The following FGF12 variants were observed in gnomAD, a reference collection of about 807,000 sequenced individuals.
The protein encoded by FGF12 is fibroblast growth factor 12B.
A neutral mutation model predicts 23.6 loss-of-function variants in FGF12; 14 were observed. The ratio of observed to expected loss-of-function variants is 0.59; its 90% CI spans 0.39 to 0.93. The LOEUF (loss-of-function observed/expected upper bound fraction) is 0.93. Ranked by LOEUF, FGF12 falls within the 40% of genes least tolerant of loss-of-function variation. FGF12 has a pLI of 0.00. For missense variants in FGF12, 175 were observed against 217.8 expected, an observed-to-expected ratio of 0.80 and a Z score of 1.24; for synonymous variants, 62 against 77.3, an observed-to-expected ratio of 0.80 and a Z score of 1.04.
intron 2 of FGF12, among the ~76,000 whole-genome samples, chr3:192,548,752 T>C (rs984834115): frequency 3.6e-4 from 55 of 152,156 alleles, no homozygotes; most frequent in African/African-American, 1.3e-3. Flanking sequence ...TGTAGTGTTA[T>C]ATCCCTTCTA....
chr3:192,191,578 A>C (rs1716792909), intron 4 of FGF12, among the ~76,000 whole-genome samples: 1 of 152,234 alleles, frequency 6.6e-6, no homozygotes, highest in Admixed American at 6.5e-5. Context: ...GCTCACGCCT[A>C]TAATCCCAGC....
Position 192,270,853 on chromosome 3 carries a change from C to T in FGF12, c.228+64508G>A, listed in dbSNP as rs139065962. On this transcript the variant is annotated intron_variant, in intron 4 of 5. Coordinates refer to ENST00000445105, the MANE Select transcript of FGF12 (RefSeq NM_004113.6). ...GAAGGAAGGAAGATAAAAGAATCCA[C>T]TAATTCAATGGGAAGAAAATAGGGA... Among the ~76,000 whole-genome samples, 38 of 150,222 alleles carry T rather than the reference C, an allele frequency of 2.5e-4. No homozygotes were observed. In the East Asian group the frequency reaches 4.5e-3, roughly 18 times the overall value.
intron 2 of FGF12, among the ~76,000 whole-genome samples, chr3:192,553,062 C>T (rs1432347760): frequency 6.6e-6 from 1 of 151,934 alleles, no homozygotes; most frequent in Non-Finnish European, 1.5e-5. Context: ...TTAATAAATG[C>T]GTACTGAGAA....
At chr3:192,722,928 TA>T (rs1490502150) in intron 2 of FGF12, among the ~76,000 whole-genome samples, 1 of 152,158 alleles carries the variant, frequency 6.6e-6, no homozygotes, top group East Asian at 1.9e-4. Flanking sequence ...AATATTTGTT[TA>T]AATAAAAAGC....
chr3:192,474,484 A>T (rs1723261495), intron 2 of FGF12, among the ~76,000 whole-genome samples: 1 of 152,228 alleles, frequency 6.6e-6, no homozygotes, highest in South Asian at 2.1e-4. Context: ...ATCTAGGATG[A>T]TAGAGTCCTT....
intron 4 of FGF12, among the ~76,000 whole-genome samples, chr3:192,304,457 CT>C (rs1331445519): frequency 2.0e-5 from 3 of 152,150 alleles, no homozygotes; most frequent in Admixed American, 2.0e-4. Flanking sequence ...CCTCACAGGT[CT>C]GTCTAAACAG....
intron 4 of FGF12, among the ~76,000 whole-genome samples, chr3:192,237,165 ATC>A (rs1454592272): frequency 6.6e-6 from 1 of 152,160 alleles, no homozygotes; most frequent in Non-Finnish European, 1.5e-5. Flanking sequence ...TAGGACCCTG[ATC>A]TCTTCTGGCT....
intron 2 of FGF12, among the ~76,000 whole-genome samples, chr3:192,668,815 A>G (rs1393381554): frequency 6.6e-6 from 1 of 152,248 alleles, no homozygotes; most frequent in Non-Finnish European, 1.5e-5. Flanking sequence ...AAGCAACCAG[A>G]TCCAACAAAC....
intron 2 of FGF12, among the ~76,000 whole-genome samples, chr3:192,380,289 G>T (rs1213394725): frequency 6.6e-6 from 1 of 152,228 alleles, no homozygotes; most frequent in African/African-American, 2.4e-5. Context: ...TTAATGGACT[G>T]GTGTCTTCTT....
intron 2 of FGF12, among the ~76,000 whole-genome samples, chr3:192,400,773 T>A (rs1405555446): frequency 6.6e-6 from 1 of 152,188 alleles, no homozygotes; most frequent in Non-Finnish European, 1.5e-5. Flanking sequence ...AACATGCAAT[T>A]CACTATGGAA....
At chr3:192,299,906 T>C (rs1317658626) in intron 4 of FGF12, among the ~76,000 whole-genome samples, 1 of 152,196 alleles carries the variant, frequency 6.6e-6, no homozygotes, top group Non-Finnish European at 1.5e-5. Flanking sequence ...TTGATTCTAT[T>C]AGATATTTCC....
chr3:192,289,734 ATAT>A (rs1233170572), intron 4 of FGF12, among the ~76,000 whole-genome samples: 16 of 152,186 alleles, frequency 1.1e-4, no homozygotes, highest in Non-Finnish European at 1.2e-4. Context: ...TTTGTAGTTA[ATAT>A]TAATTAGTGT....
intron 2 of FGF12, among the ~76,000 whole-genome samples, chr3:192,382,801 C>T (rs1200139944): frequency 6.6e-6 from 1 of 152,008 alleles, no homozygotes; most frequent in Non-Finnish European, 1.5e-5. Context: ...AAAATGAATG[C>T]CTATATTTAA....
intron 2 of FGF12, among the ~76,000 whole-genome samples, chr3:192,646,133 T>G (rs116044052): frequency 6.6e-6 from 1 of 152,152 alleles, no homozygotes; most frequent in African/African-American, 2.4e-5. Context: ...ACATCTCACA[T>G]GTACCCAGGA....
At chr3:192,352,534 C>A (rs1295497267) in intron 3 of FGF12, among the ~76,000 whole-genome samples, 2 of 152,336 alleles carry the variant, frequency 1.3e-5, no homozygotes, top group South Asian at 4.1e-4. Context: ...AGTGTAAACA[C>A]CTTCAAATTC....
At chr3:192,364,762 G>A (rs373742224) in intron 2 of FGF12, among the ~76,000 whole-genome samples, 8 of 152,178 alleles carry the variant, frequency 5.3e-5, no homozygotes, top group East Asian at 3.8e-4. Flanking sequence ...ACCTTGGACC[G>A]TGAACTGAAT....
intron 2 of FGF12, among the ~76,000 whole-genome samples, chr3:192,382,010 T>A (rs1370161983): frequency 6.6e-6 from 1 of 151,094 alleles, no homozygotes; most frequent in East Asian, 1.9e-4. Context: ...TTTTTTTTCT[T>A]TTTTGAGATG....
intron 2 of FGF12, among the ~76,000 whole-genome samples, chr3:192,529,801 T>C (rs758936405): frequency 9.9e-5 from 15 of 152,126 alleles, no homozygotes; most frequent in Non-Finnish European, 2.2e-4. Flanking sequence ...ATTTATTCAC[T>C]ATCTCAAGAA....
At chr3:192,609,103 G>A (rs996142232) in intron 2 of FGF12, among the ~76,000 whole-genome samples, 1 of 151,942 alleles carries the variant, frequency 6.6e-6, no homozygotes, top group Non-Finnish European at 1.5e-5. Flanking sequence ...TAATGACGGG[G>A]GTTCAACAGG....
Sources: allele counts gnomAD v4.1 joint callset (sites outside exome capture counted in the v4.1 genomes callset), GRCh38; gene constraint gnomAD v4.1.1; transcripts MANE v1.5; gene names NCBI Gene and HGNC (gene_info 2026-07-23, HGNC 2026-07-21).